The following ZNF469 variants were observed in gnomAD, a reference collection of about 807,000 sequenced individuals.
The protein encoded by ZNF469 is zinc finger protein 469.
ZNF469 carries 1 observed loss-of-function variant against 1.0 expected under a neutral mutation model. That is an observed-to-expected ratio of 1.00 (90% CI 0.35 to 4.73). The LOEUF (loss-of-function observed/expected upper bound fraction) is 4.73, where lower values mean the gene tolerates loss of function less well. Among genes scored for constraint, ZNF469 ranks in the 30% most tolerant of loss-of-function variants. The pLI is 0.16. For missense variants in ZNF469, 6,100 were observed against 5,356.3 expected (o/e 1.14, Z -4.33); for synonymous variants, 2,703 against 2,363.4 (o/e 1.14, Z -4.17).
At chr16:88,111,894 C>T in the ZNF469 span, among the ~76,000 whole-genome samples, 1 of 152,178 alleles carries the variant, frequency 6.6e-6, no homozygotes, top group Non-Finnish European at 1.5e-5. Context: ...CTTGGCCTCC[C>T]AAAGTGCTGG....
the ZNF469 span, among the ~76,000 whole-genome samples, chr16:88,335,062 G>C: frequency 2.9e-4 from 44 of 152,358 alleles, 1 homozygote; most frequent in African/African-American, 1.0e-3. Context: ...CACAGGAAGA[G>C]GCAGGGAGGA....
the ZNF469 span, among the ~76,000 whole-genome samples, chr16:88,357,407 G>A: frequency 8.3e-4 from 127 of 152,294 alleles, 1 homozygote; most frequent in East Asian, 0.021. Context: ...CCCAGACCCT[G>A]GATGAAGACT....
rs886052413 is a variant in ZNF469 at position 88,436,124 on chromosome 16, C to T, written c.8654C>T (p.Pro2885Leu). 4.7e-5 allele frequency: 72 copies of T among 1,548,310 alleles called. No homozygotes were observed. The highest frequency in any genetic ancestry group is 5.8e-5 in the Non-Finnish European group (67 of 1,146,962). Residue 2885 changes from proline (P) to leucine (L), a missense_variant, in exon 3 of 3, where the codon CCG becomes CTG. Transcript: ENST00000565624. Reference sequence around the variant, plus strand: ...GTCTACGGGAAGCGCTGTGAGAAGCCGGTGCTCCCGCTGCCAACCCAGCCC... The same window carrying T: ...GTCTACGGGAAGCGCTGTGAGAAGCTGGTGCTCCCGCTGCCAACCCAGCCC... ...PHVYGKRCEK[P>L]VLPLPTQPSF... is the part of the protein sequence containing the mutation.
the ZNF469 span, among the ~76,000 whole-genome samples, chr16:88,157,813 C>A: frequency 6.6e-6 from 1 of 151,924 alleles, no homozygotes; most frequent in Admixed American, 6.6e-5. Context: ...TATGACCGTG[C>A]CATCCTCGCC....
chr16:88,289,623 G>T, the ZNF469 span, among the ~76,000 whole-genome samples: 1 of 152,080 alleles, frequency 6.6e-6, no homozygotes, highest in Non-Finnish European at 1.5e-5. Flanking sequence ...TGAAGAAGCT[G>T]AGAGAGAGAG....
At chr16:88,103,462 A>G in the ZNF469 span, among the ~76,000 whole-genome samples, 2 of 152,204 alleles carry the variant, frequency 1.3e-5, no homozygotes, top group Non-Finnish European at 2.9e-5. Flanking sequence ...CGCCCTCGGG[A>G]CCGGCGTGAA....
At chr16:88,291,586 G>T in the ZNF469 span, among the ~76,000 whole-genome samples, 5 of 152,156 alleles carry the variant, frequency 3.3e-5, no homozygotes, top group Admixed American at 1.3e-4. Flanking sequence ...GAACAGTCAG[G>T]AACTGGACTT....
the ZNF469 span, among the ~76,000 whole-genome samples, chr16:88,187,559 C>T: frequency 4.6e-5 from 7 of 151,938 alleles, no homozygotes; most frequent in Non-Finnish European, 1.0e-4. Flanking sequence ...CTGCTCCCCA[C>T]AGAGGGTATT....
chr16:88,398,652 G>GGGTGTGAGCCACAGATGAGGGGAC (rs1567500783), intron 1 of ZNF469, among the ~76,000 whole-genome samples: 7 of 144,296 alleles, frequency 4.9e-5, no homozygotes, highest in African/African-American at 1.8e-4. Context: ...ATGAAGGGGG[G>GGGTGTGAGCCACAGATGAGGGGAC]GTGTGAGCCA....
At chr16:88,276,033 T>G in the ZNF469 span, among the ~76,000 whole-genome samples, 6 of 152,140 alleles carry the variant, frequency 3.9e-5, no homozygotes, top group African/African-American at 1.4e-4. Flanking sequence ...TCCCCCAGCA[T>G]GATGCCGCCT....
chr16:88,122,664 ACAGT>A, the ZNF469 span, among the ~76,000 whole-genome samples: 2 of 152,026 alleles, frequency 1.3e-5, no homozygotes, highest in South Asian at 2.1e-4. Flanking sequence ...AAAGGCAAAC[ACAGT>A]CAGTTTGGTC....
chr16:88,326,312 T>C, the ZNF469 span, among the ~76,000 whole-genome samples: 673 of 152,326 alleles, frequency 4.4e-3, 4 homozygotes, highest in African/African-American at 0.015. Context: ...CCTGCTGCCA[T>C]CCATTTAAGA....
chr16:88,109,601 A>G, the ZNF469 span, among the ~76,000 whole-genome samples: 841 of 107,184 alleles, frequency 7.8e-3, 87 homozygotes, highest in African/African-American at 0.014. Context: ...GGTGCTGAGC[A>G]TCTGTGTCCA....
the ZNF469 span, among the ~76,000 whole-genome samples, chr16:88,297,131 G>A: frequency 1.7e-4 from 26 of 152,320 alleles, no homozygotes; most frequent in African/African-American, 6.3e-4. Flanking sequence ...GGCTGCTTTC[G>A]GCTCTAGCCT....
At chr16:88,108,974 G>T in the ZNF469 span, among the ~76,000 whole-genome samples, 3 of 152,180 alleles carry the variant, frequency 2.0e-5, no homozygotes, top group Non-Finnish European at 4.4e-5. Flanking sequence ...GCCAAGTCAC[G>T]CCACATTCAT....
chr16:88,400,138 G>T (rs1904813324), intron 1 of ZNF469, among the ~76,000 whole-genome samples: 1 of 152,250 alleles, frequency 6.6e-6, no homozygotes, highest in South Asian at 2.1e-4. Context: ...CACTGGGGAG[G>T]CGCAGAGCCA....
At chr16:88,231,189 G>A in the ZNF469 span, among the ~76,000 whole-genome samples, 3 of 152,170 alleles carry the variant, frequency 2.0e-5, no homozygotes, top group Admixed American at 6.5e-5. The surrounding 1 kb of genome is among the most constrained non-coding windows in gnomAD (Gnocchi z 4.5). Flanking sequence ...GATAGCAGGG[G>A]AAGGCAACAC....
At chr16:88,141,426 C>A in the ZNF469 span, among the ~76,000 whole-genome samples, 8 of 122,838 alleles carry the variant, frequency 6.5e-5, no homozygotes, top group South Asian at 2.8e-4. Context: ...GGGAAAGAGG[C>A]CCTGGGAGGT....
At chr16:88,328,110 G>C in the ZNF469 span, among the ~76,000 whole-genome samples, 5 of 152,206 alleles carry the variant, frequency 3.3e-5, no homozygotes, top group Admixed American at 2.0e-4. Context: ...GGATGAGGTC[G>C]AGGAATCCGC....
Sources: allele counts gnomAD v4.1 joint callset (sites outside exome capture counted in the v4.1 genomes callset), GRCh38; gene constraint gnomAD v4.1.1; non-coding constraint Gnocchi (gnomAD v3.1); transcripts MANE v1.5; gene names NCBI Gene and HGNC (gene_info 2026-07-23, HGNC 2026-07-21).